The following ATG10 variants were observed in gnomAD, a reference collection of about 807,000 sequenced individuals.
ATG10 encodes the protein autophagy related 10, also known as ubiquitin-like-conjugating enzyme ATG10.
A neutral mutation model predicts 32.1 loss-of-function variants in ATG10; 30 were observed. The ratio of observed to expected loss-of-function variants is 0.94; its 90% CI spans 0.70 to 1.27. The LOEUF (loss-of-function observed/expected upper bound fraction) is 1.27. ATG10 is among the 50% of genes most tolerant of loss of function. The pLI, the probability that ATG10 is intolerant of heterozygous loss-of-function variation, is 0.00. For synonymous variants in ATG10, 87 were observed against 91.5 expected (o/e 0.95, Z 0.28); for missense variants, 233 against 262.3 (o/e 0.89, Z 0.77).
chr5:82,009,097 C>T (rs548765641), intron 2 of ATG10, among the ~76,000 whole-genome samples: 2 of 152,280 alleles, frequency 1.3e-5, no homozygotes, highest in South Asian at 4.2e-4. Flanking sequence ...TCTTGCTCCA[C>T]AGTATGGGTA....
intron 5 of ATG10, among the ~76,000 whole-genome samples, chr5:82,186,569 TGGTCAG>T (rs1290950212): frequency 2.6e-5 from 4 of 151,006 alleles, no homozygotes; most frequent in Admixed American, 2.0e-4. Flanking sequence ...GTACCATACA[TGGTCAG>T]GGTACTTTCC....
At chr5:82,067,251 G>C (rs892978666) in intron 3 of ATG10, among the ~76,000 whole-genome samples, 2 of 152,090 alleles carry the variant, frequency 1.3e-5, no homozygotes, top group African/African-American at 2.4e-5. Flanking sequence ...GGAGAGTATG[G>C]AATATTCTGA....
intron 3 of ATG10, among the ~76,000 whole-genome samples, chr5:82,145,983 A>G (rs560984531): frequency 2.5e-4 from 38 of 152,342 alleles, no homozygotes; most frequent in Middle Eastern, 3.4e-3. Context: ...TTGGGATTAC[A>G]GGCGTGAGCC....
intron 5 of ATG10, among the ~76,000 whole-genome samples, chr5:82,238,316 C>T (rs1746646752): frequency 6.6e-6 from 1 of 152,160 alleles, no homozygotes; most frequent in Admixed American, 6.5e-5. Flanking sequence ...GCAGCTTTTC[C>T]TGGTCGCAGT....
At chr5:82,111,623 C>T (rs1313364348) in intron 3 of ATG10, among the ~76,000 whole-genome samples, 3 of 151,798 alleles carry the variant, frequency 2.0e-5, no homozygotes, top group South Asian at 2.1e-4. Flanking sequence ...TAAATTGAAG[C>T]CTTATTTCAT....
chr5:81,998,479 C>T (rs1054249232), intron 2 of ATG10, among the ~76,000 whole-genome samples: 12 of 152,254 alleles, frequency 7.9e-5, no homozygotes, highest in South Asian at 4.1e-4. Context: ...ACCACACAAA[C>T]AAGTCTGCAT....
intron 3 of ATG10, among the ~76,000 whole-genome samples, chr5:82,070,454 A>G (rs1764093121): frequency 6.6e-6 from 1 of 152,170 alleles, no homozygotes; most frequent in African/African-American, 2.4e-5. Flanking sequence ...TAAGTTTTTT[A>G]GATATGAAAA....
chr5:82,108,086 A>G (rs764719590), intron 3 of ATG10, among the ~76,000 whole-genome samples: 9 of 152,024 alleles, frequency 5.9e-5, no homozygotes, highest in Non-Finnish European at 2.9e-5. Context: ...AATCCGTGCT[A>G]AGTGCTTTTG....
intron 2 of ATG10, among the ~76,000 whole-genome samples, chr5:82,004,477 C>G (rs1761935250): frequency 6.6e-6 from 1 of 152,140 alleles, no homozygotes; most frequent in Non-Finnish European, 1.5e-5. Context: ...GAAGCAAACA[C>G]AACAATCCAT....
intron 2 of ATG10, among the ~76,000 whole-genome samples, chr5:81,998,829 G>A (rs1761744941): frequency 6.6e-6 from 1 of 152,124 alleles, no homozygotes; most frequent in Non-Finnish European, 1.5e-5. Context: ...AGTTCAACAA[G>A]AGGACCTAAA....
At chr5:82,076,652 T>A (rs1202128006) in intron 3 of ATG10, among the ~76,000 whole-genome samples, 1 of 152,210 alleles carries the variant, frequency 6.6e-6, no homozygotes, top group East Asian at 1.9e-4. Flanking sequence ...TGGAATTATT[T>A]AAGTGTAGCC....
At chr5:82,098,896 A>C (rs1337400562) in intron 3 of ATG10, among the ~76,000 whole-genome samples, 1 of 152,240 alleles carries the variant, frequency 6.6e-6, no homozygotes, top group Admixed American at 6.5e-5. Context: ...TGTTGGCAGC[A>C]TTGAAGTAAA....
At chr5:81,994,839 A>T (rs1019340083) in intron 2 of ATG10, among the ~76,000 whole-genome samples, 1 of 152,214 alleles carries the variant, frequency 6.6e-6, no homozygotes, top group African/African-American at 2.4e-5. Flanking sequence ...GAGTCACACT[A>T]TAATCACATG....
chr5:82,051,403 G>A (rs1421318121), intron 2 of ATG10, among the ~76,000 whole-genome samples: 3 of 152,204 alleles, frequency 2.0e-5, no homozygotes, highest in Non-Finnish European at 4.4e-5. Context: ...TAATTAATGA[G>A]GTGTCATGTT....
At chr5:82,119,684 C>A (rs890579025) in intron 3 of ATG10, among the ~76,000 whole-genome samples, 1 of 152,144 alleles carries the variant, frequency 6.6e-6, no homozygotes, top group African/African-American at 2.4e-5. Flanking sequence ...TGGTCTTGAA[C>A]TCCTGACCTC....
At chr5:81,990,990 G>A (rs1000546047) in intron 2 of ATG10, among the ~76,000 whole-genome samples, 1 of 152,226 alleles carries the variant, frequency 6.6e-6, no homozygotes, top group Non-Finnish European at 1.5e-5. Context: ...CAATGGGATG[G>A]TCATTTTATG....
At chr5:82,000,673 G>A (rs1369824373) in intron 2 of ATG10, among the ~76,000 whole-genome samples, 1 of 151,668 alleles carries the variant, frequency 6.6e-6, no homozygotes, top group Non-Finnish European at 1.5e-5. Context: ...TTTTTTGTTT[G>A]TTTTTGAGAT....
intron 2 of ATG10, among the ~76,000 whole-genome samples, chr5:82,028,546 T>C (rs6892261): frequency 0.24 from 35,939 of 152,110 alleles, 4,549 homozygotes; most frequent in South Asian, 0.36. Flanking sequence ...TTGTGTAATA[T>C]ACTTTTCCTG....
chr5:82,004,815 G>A (rs1761944569), intron 2 of ATG10, among the ~76,000 whole-genome samples: 1 of 152,086 alleles, frequency 6.6e-6, no homozygotes, highest in Admixed American at 6.6e-5. Flanking sequence ...TTCCTTTTCT[G>A]TATTTATCTT....
Sources: allele counts gnomAD v4.1 joint callset (sites outside exome capture counted in the v4.1 genomes callset), GRCh38; gene constraint gnomAD v4.1.1; transcripts MANE v1.5; gene names NCBI Gene and HGNC (gene_info 2026-07-23, HGNC 2026-07-21).